The following XRCC1 variants were observed in gnomAD, a reference collection of about 807,000 sequenced individuals.
The protein encoded by XRCC1 is X-ray repair cross complementing 1.
XRCC1 carries 52 observed loss-of-function variants against 83.3 expected under a neutral mutation model. The observed-to-expected ratio is 0.62, with a 90% CI of 0.50 to 0.79. XRCC1 has a LOEUF of 0.79. Ranked by LOEUF, XRCC1 falls within the 30% of genes least tolerant of loss-of-function variation. The probability of loss-of-function intolerance (pLI) is 0.00; values close to 1 mark genes in which losing one functional copy is unlikely to be tolerated. For missense variants in XRCC1, 793 were observed against 823.5 expected, an observed-to-expected ratio of 0.96 and a Z score of 0.45; for synonymous variants, 281 against 312.6, an observed-to-expected ratio of 0.90 and a Z score of 1.07.
intron 3 of XRCC1, chr19:43,555,011 C>T: frequency 2.3e-6 from 1 of 441,658 alleles, no homozygotes; most frequent in Non-Finnish European, 4.0e-6. Context: ...TCTCTTTATC[C>T]TCCAGATGTG....
At chr19:43,548,482 T>C (rs1431339389) in intron 10 of XRCC1, among the ~76,000 whole-genome samples, 1 of 152,214 alleles carries the variant, frequency 6.6e-6, no homozygotes, top group Non-Finnish European at 1.5e-5. Context: ...CCCTCAACCC[T>C]GTGCTCTCTG....
At chr19:43,553,740 C>T in intron 4 of XRCC1, 57 bp from the exon 5 acceptor site, 1 of 1,413,870 alleles carries the variant, frequency 7.1e-7, no homozygotes, top group African/African-American at 1.4e-5. Context: ...GGCCAGGGCC[C>T]AAGACCCTTT....
At chr19:43,545,476 A>G in intron 14 of XRCC1, among the ~76,000 whole-genome samples, 1 of 152,216 alleles carries the variant, frequency 6.6e-6, no homozygotes, top group Admixed American at 6.5e-5. Flanking sequence ...GCTTCACCCC[A>G]GACCAACAGA....
chr19:43,574,705 T>A, intron 2 of XRCC1: 1 of 575,354 alleles, frequency 1.7e-6, no homozygotes, highest in Non-Finnish European at 3.1e-6. Context: ...CACACACTGA[T>A]TCCTGTGGTC....
chr19:43,574,981 G>C lies in XRCC1; in HGVS notation c.73C>G (p.Leu25Val). Reference sequence around the variant, plus strand: ...CATTTTCGGTAAGTGTCTGCCTTGAGAAGATTTTCTGCACAGTGAGTCTGG... The same window carrying C: ...CATTTTCGGTAAGTGTCTGCCTTGACAAGATTTTCTGCACAGTGAGTCTGG... The part of the protein sequence containing the change: ...QDSTHCAENL[L>V]KADTYRKWRA... The change falls in exon 2 of 17, where the codon CTC (leucine) becomes GTC (valine). Residue 25 changes from leucine to valine, a missense_variant. Leu to Val is a conservative substitution (Grantham distance 32). Transcript: ENST00000262887. 6.2e-7 allele frequency: 1 copy of C among 1,614,128 alleles called. No individual in the cohort carries two copies. Among genetic ancestry groups the C allele is most frequent in the Non-Finnish European group, 8.5e-7 (1 of 1,180,004 alleles).
chr19:43,551,271 C>T (rs1241161436), intron 10 of XRCC1, among the ~76,000 whole-genome samples: 1 of 152,214 alleles, frequency 6.6e-6, no homozygotes, highest in Non-Finnish European at 1.5e-5. Context: ...CCGGGACTCA[C>T]TTTGAATGAA....
At chr19:43,569,595 C>T (rs1211888645) in intron 2 of XRCC1, among the ~76,000 whole-genome samples, 1 of 151,976 alleles carries the variant, frequency 6.6e-6, no homozygotes, top group African/African-American at 2.4e-5. Context: ...CCAGCCTGAC[C>T]AACATGGTGA....
intron 2 of XRCC1, among the ~76,000 whole-genome samples, chr19:43,563,175 C>T (rs1972718158): frequency 6.6e-6 from 1 of 152,174 alleles, no homozygotes; most frequent in Admixed American, 6.5e-5. Context: ...GTGTACAGTG[C>T]TGCCTGGGCT....
At chr19:43,544,397 C>T (rs1385056226) in intron 14 of XRCC1, among the ~76,000 whole-genome samples, 163 bp from the exon 15 acceptor site, 2 of 152,066 alleles carry the variant, frequency 1.3e-5, no homozygotes, top group Non-Finnish European at 2.9e-5. Context: ...ATCAGAGCCT[C>T]CTGGGGAGGT....
chr19:43,559,661 C>T (rs1945308178), intron 3 of XRCC1, among the ~76,000 whole-genome samples: 1 of 152,054 alleles, frequency 6.6e-6, no homozygotes, highest in Admixed American at 6.6e-5. Context: ...ATGTTTACAT[C>T]CTAATCCCTG....
intron 2 of XRCC1, among the ~76,000 whole-genome samples, chr19:43,573,716 A>T (rs1245700729): frequency 6.6e-6 from 1 of 151,844 alleles, no homozygotes; most frequent in Non-Finnish European, 1.5e-5. Context: ...CTAAAAAAAT[A>T]CAAAAAAAAC....
At chr19:43,547,896 A>G (rs898317517) in intron 10 of XRCC1, among the ~76,000 whole-genome samples, 2 of 152,216 alleles carry the variant, frequency 1.3e-5, no homozygotes, top group African/African-American at 2.4e-5. Context: ...CTCATTAGGA[A>G]AATACCCACC....
chr19:43,574,851 G>A (rs1055671644), intron 2 of XRCC1, 59 bp downstream of exon 2: 1 of 1,445,628 alleles, frequency 6.9e-7, no homozygotes, highest in Non-Finnish European at 9.7e-7. Flanking sequence ...CTCAGGAGCA[G>A]AATCTGGAAC....
At position 43,554,694 on chromosome 19, in the gene XRCC1, C is replaced by A. The variant is rs775820292; in HGVS notation, c.366G>T (p.Glu122Asp). The change falls in exon 4 of 17, where the codon GAG (glutamate) becomes GAT (aspartate). Residue 122 changes from glutamate to aspartate, a missense_variant. By Grantham distance (45) the Glu-to-Asp change is conservative (BLOSUM62 2). Coordinates refer to ENST00000262887, the MANE Select transcript of XRCC1 (RefSeq NM_006297.3). ...GPDKLVRAAA[E>D]KRWDRVKIVC... The stretch of plus-strand genomic sequence containing the variant: ...CAATTTTGACCCGGTCCCAGCGCTT[C>A]TCGGCGGCTGCCCGGACCAGCTTGT... 90 of 1,613,894 alleles carry A rather than the reference C, an allele frequency of 5.6e-5. No individual in the cohort carries two copies. Among genetic ancestry groups the A allele is most frequent in the Non-Finnish European group, 6.7e-5 (79 of 1,179,926 alleles).
chr19:43,564,063 G>A (rs1057153931), intron 2 of XRCC1, among the ~76,000 whole-genome samples: 5 of 152,110 alleles, frequency 3.3e-5, no homozygotes, highest in Non-Finnish European at 1.5e-5. Context: ...CTATGAAATG[G>A]GGACAATAAC....
At chr19:43,554,249 C>G (rs947304104) in intron 4 of XRCC1, among the ~76,000 whole-genome samples, 1 of 152,178 alleles carries the variant, frequency 6.6e-6, no homozygotes, top group African/African-American at 2.4e-5. Flanking sequence ...AAGGATCAGG[C>G]AATGGAGGCC....
intron 10 of XRCC1, among the ~76,000 whole-genome samples, chr19:43,551,017 C>T (rs954471005): frequency 6.6e-6 from 1 of 152,258 alleles, no homozygotes; most frequent in Admixed American, 6.5e-5. Flanking sequence ...GGGAGTCTCG[C>T]TCTGTCACCC....
At position 43,553,090 on chromosome 19, in the gene XRCC1, G is replaced by A. The variant is rs1972599078; in HGVS notation, c.603C>T (p.Val201=). ...FFSRINKTSP[V]TASDPAGPSY... ...TAGGTCCTGCTGGGTCGCTGGCTGT[G>A]ACTATGAAGGGAGAAAGTGGATCCA... The change falls in exon 7 of 17, where the codon GTC becomes GTT. Residue 201 remains valine (V), a splice_region_variant and synonymous_variant. Coordinates refer to ENST00000262887, the MANE Select transcript of XRCC1 (RefSeq NM_006297.3). The A allele has an allele frequency of 1.3e-6, 2 of 1,565,050 alleles. No individual in the cohort carries two copies. The highest frequency in any genetic ancestry group is 1.7e-6 in the Non-Finnish European group (2 of 1,154,570).
At chr19:43,543,765 T>A in intron 15 of XRCC1, 78 bp from the exon 16 acceptor site, 1 of 1,375,164 alleles carries the variant, frequency 7.3e-7, no homozygotes, top group Admixed American at 1.7e-5. Context: ...CCACTCTCAA[T>A]GGCTGTCCCC....
Sources: allele counts gnomAD v4.1 joint callset (sites outside exome capture counted in the v4.1 genomes callset), GRCh38; gene constraint gnomAD v4.1.1; transcripts MANE v1.5; gene names NCBI Gene and HGNC (gene_info 2026-07-23, HGNC 2026-07-21).